RBM33: variants seen among roughly 807,000 people sequenced by gnomAD.
The protein encoded by RBM33 is RNA binding motif protein 33.
A neutral mutation model predicts 132.6 loss-of-function variants in RBM33; 28 were observed. The ratio of observed to expected loss-of-function variants is 0.21; its 90% CI spans 0.16 to 0.29. The LOEUF (loss-of-function observed/expected upper bound fraction) is 0.29. Among genes scored for constraint, RBM33 ranks in the 10% least tolerant of loss-of-function variants. The pLI, the probability that RBM33 is intolerant of heterozygous loss-of-function variation, is 1.00. For missense variants in RBM33, 1,291 were observed against 1,518.5 expected (o/e 0.85, Z 2.49); for synonymous variants, 634 against 593.0 (o/e 1.07, Z -1.01).
intron 5 of RBM33, among the ~76,000 whole-genome samples, chr7:155,698,973 A>G (rs961142459): frequency 5.9e-5 from 9 of 152,228 alleles, no homozygotes; most frequent in African/African-American, 1.9e-4. Flanking sequence ...CTATAGGTCT[A>G]TTTGAACATA....
rs796928438 is a variant in RBM33, at chr7:155,673,941, T to TTGTTGTTTG, written c.171+1027_171+1028insGTTGTTTGT. On this transcript the variant is annotated intron_variant, in intron 3 of 17. Transcript: ENST00000401878. ...CATTATCAAGATAGTTTAGGCTTAG[T>TTGTTGTTTG]TTTTTTTTTTTTTTTTTTTTTTTTT... Among the ~76,000 whole-genome samples the TTGTTGTTTG allele has an allele frequency of 6.5e-3, 277 of 42,446 alleles. 64 individuals are homozygous for TTGTTGTTTG. Among genetic ancestry groups the TTGTTGTTTG allele is most frequent in the Non-Finnish European group, 8.6e-3 (201 of 23,488 alleles). The allele number at this position is 42,446 out of a possible 152,430, so 27.8% of individuals were successfully genotyped here.
rs1801197814 is a variant in RBM33 at position 155,738,311 on chromosome 7, G to T, written c.1645G>T (p.Ala549Ser). The T allele has an allele frequency of 6.2e-7, 1 of 1,613,778 alleles. No homozygotes were observed. The highest frequency in any genetic ancestry group is 1.3e-5 in the African/African-American group (1 of 74,874). Residue 549 changes from alanine (A) to serine (S), a missense_variant, in exon 11 of 18, where the codon GCA (alanine) becomes TCA (serine). Transcript: ENST00000401878. ...GILHFSQPGS[A>S]TTRPFIPPRQ... is the part of the protein sequence containing the mutation. ...TCTGCACTTTAGCCAGCCTGGGTCG[G>T]CAACCACACGGCCCTTCATTCCTCC...
intron 5 of RBM33, chr7:155,684,948 C>G (rs2116930312): frequency 6.5e-7 from 1 of 1,549,978 alleles, no homozygotes; most frequent in Non-Finnish European, 8.7e-7. Flanking sequence ...AGAATACTTG[C>G]AGGCTTATGG....
At chr7:155,679,864 G>A (rs970421873) in intron 4 of RBM33, among the ~76,000 whole-genome samples, 7 of 152,124 alleles carry the variant, frequency 4.6e-5, no homozygotes, top group African/African-American at 7.2e-5. Context: ...AGATTTGCAC[G>A]ATCTTACATG....
At chr7:155,669,325 C>T (rs957933563) in intron 2 of RBM33, among the ~76,000 whole-genome samples, 1 of 151,976 alleles carries the variant, frequency 6.6e-6, no homozygotes, top group African/African-American at 2.4e-5. Flanking sequence ...CTCATGTGTC[C>T]AGGCAAGAAA....
rs1800129798 is a variant in RBM33, at chr7:155,706,855, C to T, written c.740-5C>T. 1.9e-6 allele frequency: 3 copies of T among 1,592,092 alleles called. No homozygotes were observed. Among genetic ancestry groups the T allele is most frequent in the Non-Finnish European group, 2.6e-6 (3 of 1,169,452 alleles). The stretch of plus-strand genomic sequence containing the variant: ...TAACTAACACATACACATTTTTTCA[C>T]ATAGAGCTTTCAGCAGAGGCCAAGG... On this transcript the variant is annotated splice_polypyrimidine_tract_variant and splice_region_variant and intron_variant, in intron 6 of 17. Coordinates refer to ENST00000401878, the MANE Select transcript of RBM33 (RefSeq NM_053043.3).
intron 5 of RBM33, 95 bp downstream of exon 5, chr7:155,681,003 G>A: frequency 9.8e-7 from 1 of 1,021,386 alleles, no homozygotes; most frequent in Non-Finnish European, 1.4e-6. Context: ...CCCCTGGGAG[G>A]GAGGGGAAAT....
At chr7:155,653,423 T>G (rs990107312) in intron 1 of RBM33, among the ~76,000 whole-genome samples, 1 of 151,948 alleles carries the variant, frequency 6.6e-6, no homozygotes, top group Non-Finnish European at 1.5e-5. Context: ...GGCAGAACTT[T>G]GGAAACCCTT....
intron 5 of RBM33, among the ~76,000 whole-genome samples, chr7:155,690,668 G>A (rs887145591): frequency 1.3e-5 from 2 of 152,118 alleles, no homozygotes; most frequent in Non-Finnish European, 2.9e-5. Context: ...GCCTGGTGGT[G>A]ACAAAATCTC....
At chr7:155,736,883 A>G (rs1801142427) in intron 9 of RBM33, among the ~76,000 whole-genome samples, 1 of 152,182 alleles carries the variant, frequency 6.6e-6, no homozygotes, top group Admixed American at 6.5e-5. Context: ...CTTGCGTTAT[A>G]ATGACATTAA....
intron 3 of RBM33, among the ~76,000 whole-genome samples, chr7:155,676,875 A>T (rs1366029277): frequency 6.6e-6 from 1 of 152,190 alleles, no homozygotes; most frequent in Non-Finnish European, 1.5e-5. Context: ...ATAATCCTCA[A>T]AGGAGATTTG....
chr7:155,717,352 C>T (rs993415173), intron 8 of RBM33, among the ~76,000 whole-genome samples: 1 of 152,096 alleles, frequency 6.6e-6, no homozygotes, highest in Non-Finnish European at 1.5e-5. Flanking sequence ...CTCACGTGGT[C>T]CTCCCTCTGT....
At chr7:155,666,151 C>T (rs540538518) in intron 2 of RBM33, among the ~76,000 whole-genome samples, 18 of 152,226 alleles carry the variant, frequency 1.2e-4, no homozygotes, top group African/African-American at 4.3e-4. Context: ...GACTGGCTCA[C>T]GTGATTATGG....
rs534780097 is a variant in RBM33 at position 155,715,309 on chromosome 7, A to T, written c.1202-3076A>T. Among the ~76,000 whole-genome samples the T allele has an allele frequency of 2.6e-5, 4 of 152,342 alleles. No individual in the cohort carries two copies. In the East Asian group the frequency reaches 7.7e-4, roughly 29 times the overall value. ...TTGTTGGAATAATTTTGCTTATGCTAGCATCTGTTATTCTTGTGCATTTCC... is the reference window on the plus strand; with the variant it reads ...TTGTTGGAATAATTTTGCTTATGCTTGCATCTGTTATTCTTGTGCATTTCC... On this transcript the variant is annotated intron_variant, in intron 8 of 17. Coordinates refer to ENST00000401878, the MANE Select transcript of RBM33 (RefSeq NM_053043.3).
chr7:155,672,823 C>T lies in RBM33; in HGVS notation c.123-44C>T, dbSNP rs367911389. On this transcript the variant is annotated intron_variant, in intron 2 of 17. Coordinates refer to ENST00000401878, the MANE Select transcript of RBM33 (RefSeq NM_053043.3). ...CCAAGTGATCTACAAACTTGCAAGTCTTATGGGAATAATCATTGACATGTC... is the reference window on the plus strand; with the variant it reads ...CCAAGTGATCTACAAACTTGCAAGTTTTATGGGAATAATCATTGACATGTC... 115 of 1,416,124 alleles carry T rather than the reference C, an allele frequency of 8.1e-5. 1 individual carries two copies. The African/African-American group carries it at 1.5e-3, about 18-fold the overall frequency. The allele number at this position is 1,416,124 out of a possible 1,614,324, so 87.7% of individuals were successfully genotyped here. A position where few individuals can be genotyped will look rare whatever the true frequency, so the allele number is the denominator to read the frequency against.
rs59050644 is a variant in RBM33 at position 155,725,203 on chromosome 7, G to GTTTT, written c.1260+6778_1260+6781dup. Among the ~76,000 whole-genome samples, 253 of 105,104 alleles carry GTTTT rather than the reference G, an allele frequency of 2.4e-3. 1 individual carries two copies. The highest frequency in any genetic ancestry group is 3.1e-3 in the Non-Finnish European group (152 of 49,392). The allele number at this position is 105,104 out of a possible 152,430, so 69.0% of individuals were successfully genotyped here. On this transcript the variant is annotated intron_variant, in intron 9 of 17. Transcript: ENST00000401878. ...TAGTTGGTTCTTTCCTTTTTTAGTTGTTTTTTTTTTTTTTTTTTTTTGAAT... is the reference window on the plus strand; with the variant it reads ...TAGTTGGTTCTTTCCTTTTTTAGTTGTTTTTTTTTTTTTTTTTTTTTTTTTGAAT...
At chr7:155,678,373 C>G (rs184593033) in intron 3 of RBM33, among the ~76,000 whole-genome samples, 51 of 152,246 alleles carry the variant, frequency 3.3e-4, no homozygotes, top group East Asian at 1.3e-3. Context: ...TAAATGTGAT[C>G]GTTACACTTG....
chr7:155,704,065 C>T (rs574828750), intron 6 of RBM33, among the ~76,000 whole-genome samples: 2 of 152,234 alleles, frequency 1.3e-5, no homozygotes, highest in South Asian at 4.1e-4. Context: ...ACATGTGAAA[C>T]GAGTTCTCTT....
At chr7:155,770,432 G>A (rs996359736) in intron 16 of RBM33, among the ~76,000 whole-genome samples, 1 of 152,210 alleles carries the variant, frequency 6.6e-6, no homozygotes, top group Non-Finnish European at 1.5e-5. Flanking sequence ...GCTCACTGAG[G>A]CTCTGCAGGG....
Sources: allele counts gnomAD v4.1 joint callset (sites outside exome capture counted in the v4.1 genomes callset), GRCh38; gene constraint gnomAD v4.1.1; transcripts MANE v1.5; gene names NCBI Gene and HGNC (gene_info 2026-07-23, HGNC 2026-07-21).